The following LRP1B variants were observed in gnomAD, a reference collection of about 807,000 sequenced individuals.
The protein encoded by LRP1B is LDL receptor related protein 1B.
A neutral mutation model predicts 556.6 loss-of-function variants in LRP1B; 217 were observed. The observed-to-expected ratio is 0.39, with a 90% CI of 0.35 to 0.44. The LOEUF (loss-of-function observed/expected upper bound fraction) is 0.44, where lower values mean the gene tolerates loss of function less well. Ranked by LOEUF, LRP1B falls within the 20% of genes least tolerant of loss-of-function variation. The pLI is 1.00. For missense variants in LRP1B, 5,053 were observed against 5,620.8 expected, an observed-to-expected ratio of 0.90 and a Z score of 3.23; for synonymous variants, 2,047 against 1,865.8, an observed-to-expected ratio of 1.10 and a Z score of -2.50.
chr2:140,425,182 C>T (rs1027182863), intron 66 of LRP1B, among the ~76,000 whole-genome samples: 6 of 152,230 alleles, frequency 3.9e-5, no homozygotes, highest in South Asian at 2.1e-4. Context: ...CTATATTGCC[C>T]ATCCTATGCC....
chr2:140,646,852 T>C (rs1684503241), intron 41 of LRP1B, among the ~76,000 whole-genome samples: 1 of 152,072 alleles, frequency 6.6e-6, no homozygotes, highest in Non-Finnish European at 1.5e-5. Flanking sequence ...GTAATAGACA[T>C]ATGTACTTTT....
intron 3 of LRP1B, among the ~76,000 whole-genome samples, chr2:141,431,163 A>AAATAAATAAATAAATAAATAAATAAATG (rs1390298793): frequency 3.9e-5 from 6 of 151,900 alleles, no homozygotes; most frequent in African/African-American, 1.5e-4. Context: ...ATAAATAAAT[A>AAATAAATAAATAAATAAATAAATAAATG]AATGAAATAG....
chr2:141,961,478 G>A (rs1476947256), intron 1 of LRP1B, among the ~76,000 whole-genome samples: 1 of 151,544 alleles, frequency 6.6e-6, no homozygotes, highest in African/African-American at 2.4e-5. Flanking sequence ...CCTGATCCTT[G>A]GTATCTCTTA....
intron 7 of LRP1B, among the ~76,000 whole-genome samples, chr2:141,077,093 T>G (rs1051712108): frequency 6.6e-6 from 1 of 151,930 alleles, no homozygotes; most frequent in Non-Finnish European, 1.5e-5. Context: ...AAAAATATTT[T>G]AAAAATTAGC....
At chr2:141,698,525 T>G (rs539960500) in intron 2 of LRP1B, among the ~76,000 whole-genome samples, 1 of 151,832 alleles carries the variant, frequency 6.6e-6, no homozygotes, top group African/African-American at 2.4e-5. Flanking sequence ...GACTATTTTT[T>G]GCTTTTGACA....
In LRP1B at chr2:140,681,340, T is replaced by C. The variant is rs550665065; in HGVS notation, c.6799+18910A>G. Among the ~76,000 whole-genome samples, 11 of 152,274 alleles carry C rather than the reference T, an allele frequency of 7.2e-5. No homozygotes were observed. In the East Asian group the frequency reaches 2.1e-3, roughly 29 times the overall value. On this transcript the variant is annotated intron_variant, in intron 41 of 90. Coordinates refer to ENST00000389484, the MANE Select transcript of LRP1B (RefSeq NM_018557.3). The stretch of plus-strand genomic sequence containing the variant: ...AAATGAGCATCATCTATTAATTCAT[T>C]CACAGCTAAAGTCAAAAGAGTAATA...
intron 37 of LRP1B, among the ~76,000 whole-genome samples, chr2:140,712,120 C>T (rs1013682305): frequency 5.3e-5 from 8 of 152,144 alleles, no homozygotes; most frequent in Non-Finnish European, 1.0e-4. Flanking sequence ...ATCCTGGGGC[C>T]ACTTGAATCT....
intron 1 of LRP1B, among the ~76,000 whole-genome samples, chr2:141,908,355 C>A (rs1405259088): frequency 6.6e-6 from 1 of 151,924 alleles, no homozygotes; most frequent in Non-Finnish European, 1.5e-5. Context: ...ATTAAACCCA[C>A]TGTATATTTT....
At chr2:140,921,910 T>G (rs1694746206) in intron 21 of LRP1B, among the ~76,000 whole-genome samples, 1 of 152,044 alleles carries the variant, frequency 6.6e-6, no homozygotes, top group Admixed American at 6.6e-5. Context: ...TTCTTACACC[T>G]TTTACAACTT....
rs1352876313 is a variant in LRP1B at position 140,743,983 on chromosome 2, AAAAAAAAAGT to A, written c.5758+25220_5758+25229del. ...TTGGTCTCAAAAAAAAAAAAAAAAA[AAAAAAAAAGT>A]AAAAAGTAAAATCCATAGACATAGA... On this transcript the variant is annotated intron_variant, in intron 35 of 90. Coordinates refer to ENST00000389484, the MANE Select transcript of LRP1B (RefSeq NM_018557.3). 1.5e-3 allele frequency among the ~76,000 whole-genome samples: 62 copies of A among 42,168 alleles called. 4 individuals carry two copies. The East Asian group carries it at 0.017, about 12-fold the overall frequency. 27.7% of individuals were successfully genotyped at this position (42,168 alleles called of 152,430 possible). A position where few individuals can be genotyped will look rare whatever the true frequency, so the allele number is the denominator to read the frequency against.
At chr2:142,010,574 A>AAAAAAG in intron 1 of LRP1B, among the ~76,000 whole-genome samples, 1 of 151,010 alleles carries the variant, frequency 6.6e-6, no homozygotes, top group Non-Finnish European at 1.5e-5. Context: ...AAAAAAAAAA[A>AAAAAAG]AAAAAGAAAG....
intron 65 of LRP1B, among the ~76,000 whole-genome samples, chr2:140,444,109 T>C (rs1686548606): frequency 6.6e-6 from 1 of 152,218 alleles, no homozygotes; most frequent in African/African-American, 2.4e-5. Flanking sequence ...ATGTTTGTCA[T>C]AATTTACAGG....
intron 3 of LRP1B, among the ~76,000 whole-genome samples, chr2:141,451,888 G>A (rs1192772502): frequency 2.6e-5 from 4 of 152,058 alleles, no homozygotes; most frequent in African/African-American, 9.7e-5. Context: ...GAGATGACAG[G>A]AACACAAAGA....
chr2:140,860,202 G>C (rs1178655159), intron 27 of LRP1B, among the ~76,000 whole-genome samples: 1 of 152,008 alleles, frequency 6.6e-6, no homozygotes, highest in African/African-American at 2.4e-5. Flanking sequence ...TTATTCACTC[G>C]TTCATTCATG....
At chr2:140,946,319 T>A (rs1695545937) in intron 20 of LRP1B, among the ~76,000 whole-genome samples, 1 of 151,892 alleles carries the variant, frequency 6.6e-6, no homozygotes, top group East Asian at 1.9e-4. Flanking sequence ...TAAAAACAGG[T>A]TCAGGGGCAG....
intron 3 of LRP1B, among the ~76,000 whole-genome samples, chr2:141,479,044 A>T (rs1461164087): frequency 6.6e-6 from 1 of 152,176 alleles, no homozygotes; most frequent in Admixed American, 6.5e-5. Flanking sequence ...AGATCTTTAA[A>T]TTCCCAGTCA....
chr2:141,080,701 G>A (rs1699901683), intron 7 of LRP1B, among the ~76,000 whole-genome samples: 1 of 152,118 alleles, frequency 6.6e-6, no homozygotes, highest in Non-Finnish European at 1.5e-5. Flanking sequence ...TTTCAACTCT[G>A]TCTCTATTTC....
chr2:141,830,334 C>G (rs1245531455), intron 1 of LRP1B, among the ~76,000 whole-genome samples: 1 of 151,730 alleles, frequency 6.6e-6, no homozygotes, highest in Non-Finnish European at 1.5e-5. Flanking sequence ...ACCTCATCAC[C>G]TCCCACCTTT....
intron 1 of LRP1B, among the ~76,000 whole-genome samples, chr2:141,845,464 T>G (rs1476243542): frequency 6.6e-6 from 1 of 152,002 alleles, no homozygotes; most frequent in Non-Finnish European, 1.5e-5. Flanking sequence ...TATTCCTCTC[T>G]TCAGGTAGAT....
Sources: gnomAD v4.1 joint callset for allele counts (sites outside exome capture counted in the v4.1 genomes callset) on GRCh38, gnomAD v4.1.1 for gene constraint, MANE v1.5 for transcripts, NCBI Gene and HGNC (gene_info 2026-07-23, HGNC 2026-07-21) for gene names.